MYPN: variants seen among roughly 807,000 people sequenced by gnomAD.
The protein encoded by MYPN is myopalladin, also known as sarcomeric protein myopalladin, 145 kDa (MYOP).
Under a neutral mutation model 129.4 loss-of-function variants are expected in MYPN, and 63 were observed. That is an observed-to-expected ratio of 0.49 (90% confidence interval 0.40 to 0.60). MYPN has a LOEUF of 0.60. Ranked by LOEUF, MYPN falls within the 20% of genes least tolerant of loss-of-function variation. MYPN has a pLI of 0.00. For synonymous variants in MYPN, 629 were observed against 600.9 expected (o/e 1.05, Z -0.68); for missense variants, 1,596 against 1,635.4 (o/e 0.98, Z 0.42).
intron 12 of MYPN, among the ~76,000 whole-genome samples, chr10:68,186,911 G>C (rs2043430334): frequency 6.6e-6 from 1 of 152,086 alleles, no homozygotes; most frequent in South Asian, 2.1e-4. Flanking sequence ...TTGGGGAGGT[G>C]ACATTTAAGT....
At chr10:68,204,190 T>C (rs2043770766) in intron 18 of MYPN, among the ~76,000 whole-genome samples, 1 of 152,212 alleles carries the variant, frequency 6.6e-6, no homozygotes, top group Admixed American at 6.5e-5. Context: ...TGTGAGCATC[T>C]TGAAGGAAGA....
intron 10 of MYPN, among the ~76,000 whole-genome samples, chr10:68,167,961 T>C (rs1351079418): frequency 6.6e-6 from 1 of 152,210 alleles, no homozygotes; most frequent in Non-Finnish European, 1.5e-5. Flanking sequence ...CCTTTTCACC[T>C]GTCACTCAGG....
intron 6 of MYPN, among the ~76,000 whole-genome samples, chr10:68,153,001 A>AT (rs1316898136): frequency 7.3e-6 from 1 of 137,152 alleles, no homozygotes; most frequent in Non-Finnish European, 1.6e-5. Context: ...ATTTTATTTT[A>AT]TTTAGACAGA....
intron 18 of MYPN, among the ~76,000 whole-genome samples, chr10:68,203,720 C>CACACAGAG (rs1554851560): frequency 8.0e-4 from 93 of 115,760 alleles, no homozygotes; most frequent in Admixed American, 3.7e-3. Context: ...CATACACACA[C>CACACAGAG]AGAGAGAGAG....
At position 68,210,715 on chromosome 10, in the gene MYPN, T is replaced by C; in HGVS notation, c.*260T>C. The C allele has an allele frequency of 1.7e-6, 1 of 571,494 alleles. No homozygotes were observed. The highest frequency in any genetic ancestry group is 3.3e-6 in the Non-Finnish European group (1 of 302,644). The allele number at this position is 571,494 out of a possible 1,614,324, so 35.4% of individuals were successfully genotyped here. ...AACCAAAGATGTCACACAGTTGCCA[T>C]CCACTGCTTTGGGAAAAAACTAGCA... is the stretch of plus-strand genomic sequence containing the variant. On this transcript the variant is annotated 3_prime_UTR_variant, in exon 20 of 20. Coordinates refer to ENST00000358913, the MANE Select transcript of MYPN (RefSeq NM_032578.4).
At chr10:68,141,304 G>T (rs536402392) in intron 2 of MYPN, among the ~76,000 whole-genome samples, 3 of 151,998 alleles carry the variant, frequency 2.0e-5, no homozygotes, top group Non-Finnish European at 4.4e-5. Flanking sequence ...GGGGGGCAGA[G>T]GTTGCAGTGA....
intron 6 of MYPN, among the ~76,000 whole-genome samples, chr10:68,153,936 T>A (rs868236263): frequency 6.6e-6 from 1 of 151,968 alleles, no homozygotes; most frequent in Non-Finnish European, 1.5e-5. Flanking sequence ...TTTTTTTTTT[T>A]AAAGCAACGC....
chr10:68,193,134 T>G (rs1027197918), intron 13 of MYPN, among the ~76,000 whole-genome samples: 3 of 149,636 alleles, frequency 2.0e-5, no homozygotes, highest in South Asian at 2.1e-4. Flanking sequence ...TCTTTCTGGG[T>G]TTTTTTTTAT....
chr10:68,091,180 A>G (rs1313077003), intron 1 of MYPN, among the ~76,000 whole-genome samples: 2 of 152,084 alleles, frequency 1.3e-5, no homozygotes, highest in South Asian at 2.1e-4. Context: ...AAAGGCAGGT[A>G]ATTGATTATG....
chr10:68,112,734 C>G (rs751638667), intron 1 of MYPN, among the ~76,000 whole-genome samples: 4 of 152,110 alleles, frequency 2.6e-5, no homozygotes, highest in Admixed American at 1.3e-4. Flanking sequence ...TCCTCAAGTT[C>G]TTACTCTGGT....
intron 13 of MYPN, among the ~76,000 whole-genome samples, chr10:68,191,918 T>C (rs565913479): frequency 1.3e-5 from 2 of 152,344 alleles, no homozygotes; most frequent in East Asian, 3.9e-4. Context: ...GCCTACATTT[T>C]TCTAAAATAT....
At chr10:68,198,523 C>G (rs776088744) in intron 16 of MYPN, among the ~76,000 whole-genome samples, 4 of 152,104 alleles carry the variant, frequency 2.6e-5, no homozygotes, top group African/African-American at 4.8e-5. Context: ...AAAGGGTCCA[C>G]TTCTATCTGT....
Position 68,199,565 on chromosome 10 carries a change from C to T in MYPN, c.3483C>T (p.Leu1161=). The T allele has an allele frequency of 6.2e-7, 1 of 1,605,128 alleles. No homozygotes were observed. The highest frequency in any genetic ancestry group is 8.5e-7 in the Non-Finnish European group (1 of 1,176,090). The change falls in exon 17 of 20, where the codon CTC becomes CTT. Residue 1161 remains leucine, a synonymous_variant. Coordinates refer to ENST00000358913, the MANE Select transcript of MYPN (RefSeq NM_032578.4). The part of the protein sequence containing the change: ...KTGQNSFSLE[L]SVVAKEVKKA... ...GGCAGAATTCTTTTAGTCTGGAGCT[C>T]TCTGTAGTAGGTAAGGTTTGCTGCT...
chr10:68,093,696 G>C (rs1054314871), intron 1 of MYPN, among the ~76,000 whole-genome samples: 1 of 151,578 alleles, frequency 6.6e-6, no homozygotes, highest in African/African-American at 2.4e-5. Context: ...GGCGGAGCTT[G>C]CAGTGAGCCG....
chr10:68,141,932 A>G (rs554578125), intron 2 of MYPN, among the ~76,000 whole-genome samples: 13 of 152,308 alleles, frequency 8.5e-5, no homozygotes, highest in African/African-American at 3.1e-4. Flanking sequence ...TTCTTTTTAG[A>G]GCAGCATAGT....
upstream of MYPN, among the ~76,000 whole-genome samples, chr10:68,105,628 G>T (rs1288206131): frequency 6.6e-6 from 1 of 152,168 alleles, no homozygotes; most frequent in Non-Finnish European, 1.5e-5. Context: ...AGTAAAGGAA[G>T]CTTTGTTGTG....
chr10:68,149,838 A>G (rs1300503332), intron 5 of MYPN, among the ~76,000 whole-genome samples: 1 of 152,132 alleles, frequency 6.6e-6, no homozygotes, highest in Non-Finnish European at 1.5e-5. Flanking sequence ...TAGGCAGCAC[A>G]TATTTTATAG....
chr10:68,131,453 AT>A (rs757172127), intron 2 of MYPN, among the ~76,000 whole-genome samples: 8 of 131,148 alleles, frequency 6.1e-5, no homozygotes, highest in Non-Finnish European at 1.1e-4. Flanking sequence ...TTGAATCTGT[AT>A]ATCAATTTAG....
chr10:68,136,663 C>T, intron 2 of MYPN: 5 of 1,534,894 alleles, frequency 3.3e-6, no homozygotes, highest in Non-Finnish European at 4.4e-6. Flanking sequence ...AGAGTTTGGG[C>T]ATTTGAATCA....
Sources: gnomAD v4.1 joint callset for allele counts (sites outside exome capture counted in the v4.1 genomes callset) on GRCh38, gnomAD v4.1.1 for gene constraint, MANE v1.5 for transcripts, NCBI Gene and HGNC (gene_info 2026-07-23, HGNC 2026-07-21) for gene names.